The following CHRM3 variants were observed in gnomAD, a reference collection of about 807,000 sequenced individuals.
CHRM3 encodes muscarinic acetylcholine receptor M3.
In CHRM3, 11 loss-of-function variants were observed where a neutral mutation model predicts 41.8. That is an observed-to-expected ratio of 0.26 (90% CI 0.17 to 0.44). The LOEUF (loss-of-function observed/expected upper bound fraction) is 0.44, where lower values mean the gene tolerates loss of function less well. Among genes scored for constraint, CHRM3 ranks in the 20% least tolerant of loss-of-function variants. The pLI is 1.00. For synonymous variants in CHRM3, 297 were observed against 301.4 expected, an observed-to-expected ratio of 0.99 and a Z score of 0.15; for missense variants, 571 against 745.4, an observed-to-expected ratio of 0.77 and a Z score of 2.72.
chr1:239,602,110 G>GTGTGTGTATATATATATA (rs1307023039), intron 3 of CHRM3, among the ~76,000 whole-genome samples: 79 of 112,810 alleles, frequency 7.0e-4, no homozygotes, highest in African/African-American at 2.6e-3. Context: ...GTGTGTGTGT[G>GTGTGTGTATATATATATA]TATATATATA....
Position 239,820,066 on chromosome 1 carries a change from C to T in CHRM3, c.-146-7186C>T, listed in dbSNP as rs149201830. On this transcript the variant is annotated intron_variant, in intron 5 of 6. Transcript: ENST00000676153. ...CAGGGTAATTCACACAACCTGTTTC[C>T]GAACCCTCAAGCCCAAAACAACGAT... 6.6e-4 allele frequency among the ~76,000 whole-genome samples: 100 copies of T among 152,258 alleles called. 2 individuals carry two copies. The highest frequency in any genetic ancestry group is 7.4e-4 in the Non-Finnish European group (50 of 68,014).
At chr1:239,457,251 G>T (rs1336620487) in intron 1 of CHRM3, among the ~76,000 whole-genome samples, 2 of 152,104 alleles carry the variant, frequency 1.3e-5, no homozygotes, top group African/African-American at 4.8e-5. Flanking sequence ...TAGAGTCAAG[G>T]GCTGAAAGTG....
At chr1:239,720,041 G>A (rs1662781649) in intron 5 of CHRM3, 1 of 151,874 alleles carries the variant, frequency 6.6e-6, no homozygotes. Flanking sequence ...CTAGGAACTG[G>A]GCACTAAAAA....
intron 5 of CHRM3, among the ~76,000 whole-genome samples, chr1:239,792,740 A>G (rs1669453816): frequency 1.3e-5 from 2 of 152,236 alleles, no homozygotes; most frequent in Admixed American, 1.3e-4. Context: ...TGCCAAGATC[A>G]TTGAAATAAT....
intron 1 of CHRM3, among the ~76,000 whole-genome samples, chr1:239,420,336 G>C (rs991100348): frequency 6.6e-6 from 1 of 152,194 alleles, no homozygotes; most frequent in Non-Finnish European, 1.5e-5. Flanking sequence ...GTAGGCACCA[G>C]AGAGCGTACG....
chr1:239,648,909 C>T (rs1671993487), intron 4 of CHRM3, among the ~76,000 whole-genome samples: 2 of 152,104 alleles, frequency 1.3e-5, no homozygotes, highest in African/African-American at 4.8e-5. Flanking sequence ...TAGATCGTAA[C>T]ATTAGTAGCA....
chr1:239,629,755 A>G (rs987716129), intron 3 of CHRM3, among the ~76,000 whole-genome samples: 1 of 152,188 alleles, frequency 6.6e-6, no homozygotes, highest in Non-Finnish European at 1.5e-5. Context: ...GGACATCATA[A>G]ATCAGAGTAA....
In CHRM3 at chr1:239,826,265, G is replaced by A. The variant is rs1028068288; in HGVS notation, c.-146-987G>A. Among the ~76,000 whole-genome samples the A allele has an allele frequency of 5.3e-5, 8 of 152,004 alleles. No homozygotes were observed. The Middle Eastern group carries it at 0.014, about 259-fold the overall frequency. On this transcript the variant is annotated intron_variant, in intron 5 of 6. Coordinates refer to ENST00000676153, the MANE Select transcript of CHRM3 (RefSeq NM_001375978.1). ...ACATATGCTCATCCCCACCACCCTC[G>A]CTCCCCATTTGGTTGTAAGGAAATT...
At chr1:239,487,574 C>A (rs1414276390) in intron 1 of CHRM3, among the ~76,000 whole-genome samples, 5 of 151,974 alleles carry the variant, frequency 3.3e-5, no homozygotes, top group African/African-American at 1.2e-4. Context: ...ATAGCTGAAT[C>A]TTTGGCAATA....
intron 1 of CHRM3, among the ~76,000 whole-genome samples, chr1:239,484,546 A>G (rs1196868431): frequency 6.6e-6 from 1 of 152,146 alleles, no homozygotes; most frequent in Non-Finnish European, 1.5e-5. Flanking sequence ...TTAGAATGGA[A>G]GAAACAGCTA....
intron 5 of CHRM3, among the ~76,000 whole-genome samples, chr1:239,809,263 G>A (rs950626356): frequency 4.6e-5 from 7 of 151,740 alleles, no homozygotes; most frequent in African/African-American, 7.3e-5. Context: ...CACGTGATCC[G>A]CCCGCCTCGG....
At chr1:239,476,108 T>G (rs1036604496) in intron 1 of CHRM3, among the ~76,000 whole-genome samples, 10 of 152,060 alleles carry the variant, frequency 6.6e-5, no homozygotes, top group African/African-American at 2.4e-4. Context: ...AAACTATCAG[T>G]GGAAATTATT....
intron 6 of CHRM3, among the ~76,000 whole-genome samples, chr1:239,835,603 A>G (rs1267727285): frequency 6.6e-6 from 1 of 152,240 alleles, no homozygotes; most frequent in Non-Finnish European, 1.5e-5. Context: ...AGAGTTTTAA[A>G]CAATGGTTTT....
chr1:239,414,576 A>G lies in CHRM3; in HGVS notation c.-521+27349A>G, dbSNP rs185827040. On this transcript the variant is annotated intron_variant, in intron 1 of 6. Transcript: ENST00000676153. ...GCTGGAACAGAACAAAATATTTTCA[A>G]TCGGGTAATGTACACTTTGAAAAGC... is the stretch of plus-strand genomic sequence containing the variant. Among the ~76,000 whole-genome samples, 346 of 152,370 alleles carry G rather than the reference A, an allele frequency of 2.3e-3. 5 individuals are homozygous for G. The highest frequency in any genetic ancestry group is 2.5e-3 in the African/African-American group (102 of 41,594).
At chr1:239,577,885 G>A (rs1285046583) in intron 3 of CHRM3, among the ~76,000 whole-genome samples, 3 of 152,032 alleles carry the variant, frequency 2.0e-5, no homozygotes, top group Non-Finnish European at 4.4e-5. Flanking sequence ...GCAAGCATAC[G>A]GATCCCCCAA....
chr1:239,677,943 G>A (rs572653450), intron 4 of CHRM3, among the ~76,000 whole-genome samples: 2 of 152,316 alleles, frequency 1.3e-5, no homozygotes, highest in African/African-American at 4.8e-5. Context: ...TTGAACAGGA[G>A]GTTACAGCAT....
At chr1:239,487,370 A>G (rs934096681) in intron 1 of CHRM3, among the ~76,000 whole-genome samples, 1 of 152,192 alleles carries the variant, frequency 6.6e-6, no homozygotes, top group African/African-American at 2.4e-5. Context: ...AGTAGAATTT[A>G]GTGCATGGTC....
chr1:239,408,661 T>G (rs1411294940), intron 1 of CHRM3, among the ~76,000 whole-genome samples: 1 of 152,082 alleles, frequency 6.6e-6, no homozygotes, highest in Non-Finnish European at 1.5e-5. Context: ...AATTATTTCT[T>G]TAATAGATGG....
intron 5 of CHRM3, among the ~76,000 whole-genome samples, chr1:239,739,465 A>G (rs1664658681): frequency 6.6e-6 from 1 of 152,314 alleles, no homozygotes; most frequent in African/African-American, 2.4e-5. Context: ...GCTAAATCAC[A>G]TTCATTTTCA....
Sources: allele counts gnomAD v4.1 joint callset (sites outside exome capture counted in the v4.1 genomes callset), GRCh38; gene constraint gnomAD v4.1.1; transcripts MANE v1.5; gene names NCBI Gene and HGNC (gene_info 2026-07-23, HGNC 2026-07-21).